Variants in INVS observed in about 807,000 individuals in gnomAD.
The protein encoded by INVS is inversin.
INVS carries 86 observed loss-of-function variants against 108.8 expected under a neutral mutation model. That is an observed-to-expected ratio of 0.79 (90% CI 0.66 to 0.95). The LOEUF is 0.95. Ranked by LOEUF, INVS falls within the 40% of genes least tolerant of loss-of-function variation. INVS has a pLI of 0.00. For missense variants in INVS, 1,169 were observed against 1,297.4 expected (o/e 0.90, Z 1.52); for synonymous variants, 455 against 473.5 (o/e 0.96, Z 0.51).
chr9:100,251,512 A>T (rs1397548522), intron 8 of INVS, among the ~76,000 whole-genome samples: 1 of 152,250 alleles, frequency 6.6e-6, no homozygotes, highest in African/African-American at 2.4e-5. Context: ...AGCACAAGAG[A>T]GGAGGCCATA....
At chr9:100,194,957 G>A (rs1830328203) in intron 3 of INVS, among the ~76,000 whole-genome samples, 1 of 152,170 alleles carries the variant, frequency 6.6e-6, no homozygotes, top group Admixed American at 6.5e-5. Context: ...TTACTGGAAT[G>A]TGAGACCCAC....
chr9:100,273,606 C>T (rs540814613), intron 12 of INVS, among the ~76,000 whole-genome samples: 7 of 142,158 alleles, frequency 4.9e-5, no homozygotes, highest in Admixed American at 3.0e-4. Flanking sequence ...GGCACAACCT[C>T]GGCTCACTGC....
intron 3 of INVS, among the ~76,000 whole-genome samples, chr9:100,177,437 G>C (rs1588064329): frequency 6.6e-6 from 1 of 152,160 alleles, no homozygotes; most frequent in Non-Finnish European, 1.5e-5. Flanking sequence ...TAGCTTGGTG[G>C]GGGGAGGGGC....
chr9:100,114,007 T>G (rs1358448056), intron 2 of INVS, among the ~76,000 whole-genome samples: 1 of 152,224 alleles, frequency 6.6e-6, no homozygotes, highest in African/African-American at 2.4e-5. Flanking sequence ...GATGAATACT[T>G]GATGATTATC....
chr9:100,203,343 G>A lies in INVS; in HGVS notation c.274-22719G>A, dbSNP rs868349755. On this transcript the variant is annotated intron_variant, in intron 3 of 16. Coordinates refer to ENST00000262457, the MANE Select transcript of INVS (RefSeq NM_014425.5). ...CTTGTTGTTAATAACTGTAGTCTCG[G>A]GTAACTTTTTCTTTGTCTTTGTGAA... Among the ~76,000 whole-genome samples the A allele has an allele frequency of 5.9e-5, 9 of 151,362 alleles. 1 individual carries two copies. In the Middle Eastern group the frequency reaches 0.01, roughly 175 times the overall value.
At position 100,126,517 on chromosome 9, in the gene INVS, C is replaced by T. The variant is rs1385138094; in HGVS notation, c.241C>T (p.Gln81Ter). The stretch of plus-strand genomic sequence containing the variant: ...AGATGTGAATAAAACTGACCATAGC[C>T]AGAGAACAGCCCTCCATCTTGCAGC... ...GADVNKTDHS[Q>*]RTALHLAAQK... The change falls in exon 3 of 17, where the codon CAG becomes TAG. Residue 81 changes from glutamine to a stop codon, truncating the protein, a stop_gained. Coordinates refer to ENST00000262457, the MANE Select transcript of INVS (RefSeq NM_014425.5). LOFTEE classifies it high-confidence loss of function. 1.9e-6 allele frequency: 3 copies of T among 1,614,022 alleles called. No homozygotes were observed. The highest frequency in any genetic ancestry group is 2.5e-6 in the Non-Finnish European group (3 of 1,180,024).
intron 3 of INVS, among the ~76,000 whole-genome samples, chr9:100,219,689 C>CT (rs986681996): frequency 1.3e-5 from 2 of 152,048 alleles, no homozygotes; most frequent in Non-Finnish European, 2.9e-5. Context: ...GAGAAACATG[C>CT]TAAATATCCC....
chr9:100,300,510 T>C, intron 16 of INVS, 58 bp from the exon 17 acceptor site: 2 of 1,173,682 alleles, frequency 1.7e-6, no homozygotes, highest in Middle Eastern at 1.9e-4. Context: ...CAATGAACTA[T>C]TCCCTTCAGC....
intron 10 of INVS, among the ~76,000 whole-genome samples, chr9:100,258,905 C>G (rs1380753983): frequency 6.6e-6 from 1 of 152,230 alleles, no homozygotes; most frequent in Non-Finnish European, 1.5e-5. Context: ...TCTCAGATCT[C>G]AAACTCCATG....
chr9:100,201,747 C>A (rs892553182), intron 3 of INVS, among the ~76,000 whole-genome samples: 13 of 152,310 alleles, frequency 8.5e-5, no homozygotes, highest in African/African-American at 3.1e-4. Context: ...GTATAGTCTG[C>A]AAAAGCAGGC....
chr9:100,106,896 C>T (rs1031831494), intron 2 of INVS, among the ~76,000 whole-genome samples: 4 of 152,102 alleles, frequency 2.6e-5, no homozygotes, highest in Admixed American at 1.3e-4. Context: ...AAAAAAAAGT[C>T]TTGCCCTGGA....
chr9:100,138,203 C>T (rs1390933456), intron 3 of INVS, among the ~76,000 whole-genome samples: 1 of 151,960 alleles, frequency 6.6e-6, no homozygotes, highest in African/African-American at 2.4e-5. Flanking sequence ...GTGAGGAGTT[C>T]GAGACCAGCC....
chr9:100,153,704 A>G (rs544660010), intron 3 of INVS, among the ~76,000 whole-genome samples: 4 of 152,346 alleles, frequency 2.6e-5, no homozygotes, highest in African/African-American at 9.6e-5. Flanking sequence ...GGGAAGTCCA[A>G]TATCAAGTTA....
At chr9:100,119,507 C>A (rs1281362125) in intron 2 of INVS, among the ~76,000 whole-genome samples, 4 of 152,240 alleles carry the variant, frequency 2.6e-5, no homozygotes, top group African/African-American at 9.6e-5. Context: ...AGGCGTCAGC[C>A]AGGGCTAAGG....
intron 10 of INVS, among the ~76,000 whole-genome samples, chr9:100,256,292 G>T (rs1168133113): frequency 6.6e-6 from 1 of 151,852 alleles, no homozygotes; most frequent in Non-Finnish European, 1.5e-5. Context: ...GCATCTATTT[G>T]ATTCTTCTCT....
At chr9:100,287,979 C>G (rs1446069791) in intron 13 of INVS, among the ~76,000 whole-genome samples, 1 of 152,090 alleles carries the variant, frequency 6.6e-6, no homozygotes, top group Non-Finnish European at 1.5e-5. Flanking sequence ...CAAAAAGATA[C>G]ATTATCAACA....
intron 3 of INVS, among the ~76,000 whole-genome samples, chr9:100,166,538 C>T (rs1404453772): frequency 3.3e-5 from 5 of 152,114 alleles, no homozygotes; most frequent in African/African-American, 1.2e-4. Flanking sequence ...AAAAAGAAGC[C>T]ACAGATCCCT....
chr9:100,250,154 T>TA (rs1832180952), intron 8 of INVS, among the ~76,000 whole-genome samples: 1 of 152,090 alleles, frequency 6.6e-6, no homozygotes, highest in African/African-American at 2.4e-5. Flanking sequence ...TACTCCCTCT[T>TA]TGAAAAGTGC....
At chr9:100,261,488 C>G (rs147761829) in intron 10 of INVS, among the ~76,000 whole-genome samples, 19 of 152,070 alleles carry the variant, frequency 1.2e-4, no homozygotes, top group African/African-American at 4.3e-4. Flanking sequence ...AGGATGGTCT[C>G]GATCTCCTGA....
Sources: gnomAD v4.1 joint callset for allele counts (sites outside exome capture counted in the v4.1 genomes callset) on GRCh38, gnomAD v4.1.1 for gene constraint, MANE v1.5 for transcripts, NCBI Gene and HGNC (gene_info 2026-07-23, HGNC 2026-07-21) for gene names.